The following RTN2 variants were observed in gnomAD, a reference collection of about 807,000 sequenced individuals.
The protein encoded by RTN2 is reticulon 2.
Under a neutral mutation model 63.7 loss-of-function variants are expected in RTN2, and 36 were observed. The observed-to-expected ratio is 0.56, with a 90% CI of 0.43 to 0.75. RTN2 has a LOEUF of 0.75. Among genes scored for constraint, RTN2 ranks in the 30% least tolerant of loss-of-function variants. The probability of loss-of-function intolerance (pLI) is 0.00; values close to 1 mark genes in which losing one functional copy is unlikely to be tolerated. For missense variants in RTN2, 673 were observed against 705.1 expected (o/e 0.95, Z 0.52); for synonymous variants, 312 against 313.0 (o/e 1.00, Z 0.03).
At position 45,489,676 on chromosome 19, in the gene RTN2, CTTTTTTTT is replaced by C; in HGVS notation, c.1034-131_1034-124del. ...ACCTGTTTGAGCATAACCTGATTTC[CTTTTTTTT>C]TTTTTTTTTTTGAGAGACAGGGTCT... On this transcript the variant is annotated intron_variant, in intron 5 of 10. Transcript: ENST00000245923. 4.4e-5 allele frequency: 22 copies of C among 501,818 alleles called. No homozygotes were observed. The East Asian group carries it at 4.6e-4, about 11-fold the overall frequency. 31.1% of individuals were successfully genotyped at this position (501,818 alleles called of 1,614,324 possible).
chr19:45,496,192 C>T (rs1478152564), intron 1 of RTN2, among the ~76,000 whole-genome samples: 1 of 152,140 alleles, frequency 6.6e-6, no homozygotes, highest in Non-Finnish European at 1.5e-5. Flanking sequence ...GCCCTGTGCC[C>T]TCACCTCGTT....
intron 4 of RTN2, 58 bp from the exon 5 acceptor site, chr19:45,493,436 T>G: frequency 8.1e-7 from 1 of 1,241,992 alleles, no homozygotes; most frequent in South Asian, 1.3e-5. Flanking sequence ...GGCCAATAGA[T>G]GTGGTCAGGA....
At chr19:45,489,057 C>T in intron 6 of RTN2, 71 bp from the exon 7 acceptor site, 7 of 1,538,210 alleles carry the variant, frequency 4.6e-6, no homozygotes, top group South Asian at 1.2e-5. Flanking sequence ...GCAGCTGAAA[C>T]AAGGGAGAGG....
At position 45,486,089 on chromosome 19, in the gene RTN2, A is replaced by G; in HGVS notation, c.1522T>C (p.Leu508=). ...HQAQIDQYVG[L]VTNQLSHIKA... is the part of the protein sequence containing the mutation. ...ATGTGGCTCAACTGATTGGTCACCA[A>G]CCCCACATATTGGTCGATCTGAGCC... Residue 508 remains leucine, a synonymous_variant, in exon 10 of 11, where the codon TTG becomes CTG. Transcript: ENST00000245923. 3.1e-6 allele frequency: 5 copies of G among 1,614,028 alleles called. No individual in the cohort carries two copies. The highest frequency in any genetic ancestry group is 4.2e-6 in the Non-Finnish European group (5 of 1,179,990).
In RTN2 at chr19:45,493,348, A is replaced by T. The variant is rs1968202912; in HGVS notation, c.845T>A (p.Leu282Ter). 6.2e-7 allele frequency: 1 copy of T among 1,609,410 alleles called. No homozygotes were observed. The highest frequency in any genetic ancestry group is 8.5e-7 in the Non-Finnish European group (1 of 1,178,910). ...GTAMEWLKTSLLLAVYKTVPI... is the reference protein window; with the variant it reads ...GTAMEWLKTS ...AACCGTCTTGTAAACAGCCAAAAGC[A>T]ATGATGTCTTTAACCATTCCATAGC... Residue 282 changes from leucine to a stop codon, truncating the protein, a stop_gained, in exon 5 of 11, where the codon TTG becomes TAG. Coordinates refer to ENST00000245923, the MANE Select transcript of RTN2 (RefSeq NM_005619.5). LOFTEE classifies it high-confidence loss of function.
Position 45,495,204 on chromosome 19 carries a change from A to T in RTN2, c.35-65T>A, listed in dbSNP as rs551312720. 11 of 1,571,336 alleles carry T rather than the reference A, an allele frequency of 7.0e-6. No individual in the cohort carries two copies. The South Asian group carries it at 1.1e-4, about 16-fold the overall frequency. On this transcript the variant is annotated intron_variant, in intron 1 of 10. Coordinates refer to ENST00000245923, the MANE Select transcript of RTN2 (RefSeq NM_005619.5). ...ACTGTCCGAATCACAGAAGTGTCCCAGTCCTGGAATCTTAGAATATTTGAA... is the reference window on the plus strand; with the variant it reads ...ACTGTCCGAATCACAGAAGTGTCCCTGTCCTGGAATCTTAGAATATTTGAA...
At chr19:45,492,011 G>C (rs1413282751) in intron 5 of RTN2, among the ~76,000 whole-genome samples, 1 of 152,116 alleles carries the variant, frequency 6.6e-6, no homozygotes, top group African/African-American at 2.4e-5. Flanking sequence ...CAAGAAGCAA[G>C]AGAAAGATCT....
chr19:45,493,992 G>A (rs1039313785), intron 4 of RTN2, 174 bp downstream of exon 4: 18 of 1,107,708 alleles, frequency 1.6e-5, no homozygotes, highest in African/African-American at 6.3e-5. Flanking sequence ...GCCCGGCCGG[G>A]GAAATTTTTT....
chr19:45,492,139 G>A (rs767197442), intron 5 of RTN2, among the ~76,000 whole-genome samples: 1 of 152,074 alleles, frequency 6.6e-6, no homozygotes, highest in Non-Finnish European at 1.5e-5. Flanking sequence ...AGTCCTAAAT[G>A]TATTAATCAC....
intron 5 of RTN2, 146 bp downstream of exon 5, chr19:45,493,014 A>T: frequency 1.2e-6 from 1 of 847,330 alleles, no homozygotes; most frequent in South Asian, 1.4e-5. Context: ...TCCTCCCTAT[A>T]CTGCCCCTCG....
At position 45,494,641 on chromosome 19, in the gene RTN2, G is replaced by C. The variant is rs139232850; in HGVS notation, c.444C>G (p.Gly148=). Residue 148 remains glycine (G), a synonymous_variant, in exon 3 of 11, where the codon GGC becomes GGG. Transcript: ENST00000245923. The surrounding 1 kb of genome is among the most constrained non-coding windows in gnomAD (Gnocchi z 5.3). The part of the protein sequence containing the change: ...EDLRLRLDHL[G]WVARGTGSGE... ...CGGATCCCGTTCCCCGGGCCACCCA[G>C]CCCAGATGGTCCAACCGAAGCCTCA... 6.4e-3 allele frequency: 10,346 copies of C among 1,613,916 alleles called. 49 individuals carry two copies. Among genetic ancestry groups the C allele is most frequent in the Middle Eastern group, 0.011 (64 of 6,062 alleles).
chr19:45,495,264 C>T (rs1309878659), intron 1 of RTN2, 125 bp from the exon 2 acceptor site: 5 of 1,118,244 alleles, frequency 4.5e-6, no homozygotes, highest in Non-Finnish European at 6.6e-6. Flanking sequence ...CACACAGACT[C>T]TAAAACCTAG....
In RTN2 at chr19:45,486,091, C is replaced by A; in HGVS notation, c.1520G>T (p.Gly507Val). 1 of 1,614,116 alleles carries A rather than the reference C, an allele frequency of 6.2e-7. No homozygotes were observed. The highest frequency in any genetic ancestry group is 2.2e-5 in the East Asian group (1 of 44,890). Residue 507 changes from glycine (G) to valine (V), a missense_variant, in exon 10 of 11, where the codon GGG (glycine) becomes GTG (valine). Coordinates refer to ENST00000245923, the MANE Select transcript of RTN2 (RefSeq NM_005619.5). ...GTGGCTCAACTGATTGGTCACCAACCCCACATATTGGTCGATCTGAGCCTG... is the reference window on the plus strand; with the variant it reads ...GTGGCTCAACTGATTGGTCACCAACACCACATATTGGTCGATCTGAGCCTG... ...QHQAQIDQYV[G>V]LVTNQLSHIK...
chr19:45,489,370 C>A lies in RTN2; in HGVS notation c.1217G>T (p.Arg406Leu), dbSNP rs369158895. 6 of 1,574,436 alleles carry A rather than the reference C, an allele frequency of 3.8e-6. No homozygotes were observed. Among genetic ancestry groups the A allele is most frequent in the Non-Finnish European group, 3.4e-6 (4 of 1,160,664 alleles). Residue 406 changes from arginine to leucine, a missense_variant, in exon 6 of 11, where the codon CGG becomes CTG. Arg to Leu is a moderately radical substitution (Grantham distance 102). Transcript: ENST00000245923. ...VYRKVLQAVH[R>L]GDGANPFQAY... ...CTGGAAAGGGTTGGCTCCATCCCCCCGGTGCACGGCCTGCAGCACTTTGCG... is the reference window on the plus strand; with the variant it reads ...CTGGAAAGGGTTGGCTCCATCCCCCAGGTGCACGGCCTGCAGCACTTTGCG...
At chr19:45,485,832 G>A in intron 10 of RTN2, 43 bp from the exon 11 acceptor site, 1 of 1,507,226 alleles carries the variant, frequency 6.6e-7, no homozygotes, top group Non-Finnish European at 9.2e-7. Context: ...GGCAAGAGAC[G>A]CGGGGTGGGC....
chr19:45,488,412 G>A, intron 9 of RTN2, 59 bp downstream of exon 9: 1 of 1,569,218 alleles, frequency 6.4e-7, no homozygotes, highest in African/African-American at 1.4e-5. Context: ...GTTCTGGAAG[G>A]AGATGGTCAG....
At position 45,494,847 on chromosome 19, in the gene RTN2, C is replaced by A; in HGVS notation, c.238G>T (p.Asp80Tyr). 6.2e-7 allele frequency: 1 copy of A among 1,604,506 alleles called. No homozygotes were observed. Among genetic ancestry groups the A allele is most frequent in the Non-Finnish European group, 8.5e-7 (1 of 1,179,816 alleles). ...GGGCGGGGGCGGCGGGCAGTTGAAT[C>A]CCTGCGGCCCCCGGAGCCCACTACA... is the stretch of plus-strand genomic sequence containing the variant. ...DGVVGSGGRRDSTARRPRPQG... is the reference protein window; with the variant it reads ...DGVVGSGGRRYSTARRPRPQG... Residue 80 changes from aspartate to tyrosine, a missense_variant, in exon 3 of 11, where the codon GAT (aspartate) becomes TAT (tyrosine). Coordinates refer to ENST00000245923, the MANE Select transcript of RTN2 (RefSeq NM_005619.5). This position sits in a 1 kb window ranked among gnomAD's most constrained non-coding sequence, Gnocchi z 5.3.
intron 6 of RTN2, 146 bp from the exon 7 acceptor site, chr19:45,489,132 G>T (rs1359912121): frequency 3.1e-6 from 3 of 976,666 alleles, no homozygotes; most frequent in Non-Finnish European, 4.5e-6. Context: ...ATATGTAGAG[G>T]GCTGGGGTCA....
intron 9 of RTN2, among the ~76,000 whole-genome samples, chr19:45,487,801 G>A (rs1412954532): frequency 3.3e-5 from 5 of 150,862 alleles, no homozygotes; most frequent in South Asian, 4.2e-4. Context: ...AAATTAGCCA[G>A]GCATGGTGGC....
Sources: gnomAD v4.1 joint callset for allele counts (sites outside exome capture counted in the v4.1 genomes callset) on GRCh38, gnomAD v4.1.1 for gene constraint, Gnocchi (gnomAD v3.1) non-coding constraint, MANE v1.5 for transcripts, NCBI Gene and HGNC (gene_info 2026-07-23, HGNC 2026-07-21) for gene names.